The following PLD5 variants were observed in gnomAD, a reference collection of about 807,000 sequenced individuals.
PLD5 encodes the protein phospholipase D family member 5.
In PLD5, 36 loss-of-function variants were observed where a neutral mutation model predicts 61.1. That is an observed-to-expected ratio of 0.59 (90% confidence interval 0.45 to 0.78). PLD5 has a LOEUF of 0.78. Among genes scored for constraint, PLD5 ranks in the 30% least tolerant of loss-of-function variants. PLD5 has a pLI of 0.00. For missense variants in PLD5, 515 were observed against 644.4 expected (o/e 0.80, Z 2.17); for synonymous variants, 243 against 242.8 (o/e 1.00, Z -0.01).
intron 5 of PLD5, among the ~76,000 whole-genome samples, chr1:242,197,633 CTTTTT>C (rs111450387): frequency 9.5e-6 from 1 of 105,430 alleles, no homozygotes; most frequent in African/African-American, 3.5e-5. Flanking sequence ...TAATTGCACA[CTTTTT>C]TTTTTTTTTT....
At chr1:242,245,976 C>G (rs1286381092) in intron 4 of PLD5, among the ~76,000 whole-genome samples, 1 of 152,130 alleles carries the variant, frequency 6.6e-6, no homozygotes, top group African/African-American at 2.4e-5. Context: ...GTACCTATCA[C>G]GTGCCAGGTA....
chr1:242,504,357 C>A (rs1053297366), intron 1 of PLD5, among the ~76,000 whole-genome samples: 1 of 152,156 alleles, frequency 6.6e-6, no homozygotes, highest in Admixed American at 6.5e-5. Context: ...CTAATATGAG[C>A]ATCAACTACT....
intron 5 of PLD5, among the ~76,000 whole-genome samples, chr1:242,127,237 C>T (rs1011287437): frequency 4.6e-5 from 7 of 152,300 alleles, no homozygotes; most frequent in Admixed American, 3.9e-4. Flanking sequence ...CTATGGAAAA[C>T]AGTGTGGAGA....
intron 2 of PLD5, among the ~76,000 whole-genome samples, chr1:242,289,738 T>G (rs1395115485): frequency 2.6e-5 from 4 of 152,208 alleles, no homozygotes; most frequent in Non-Finnish European, 5.9e-5. Context: ...CATTGCTGTA[T>G]GCACAGAGCC....
At chr1:242,452,888 C>T (rs1022675808) in intron 1 of PLD5, among the ~76,000 whole-genome samples, 13 of 152,016 alleles carry the variant, frequency 8.6e-5, no homozygotes, top group African/African-American at 2.9e-4. Flanking sequence ...TCCCACACAC[C>T]CCTAACAACT....
At chr1:242,334,565 C>T (rs1659391803) in intron 2 of PLD5, among the ~76,000 whole-genome samples, 1 of 152,102 alleles carries the variant, frequency 6.6e-6, no homozygotes, top group Admixed American at 6.5e-5. Flanking sequence ...GGTAGGCAGC[C>T]CTCATCGCAG....
At chr1:242,173,420 A>G (rs536567715) in intron 5 of PLD5, among the ~76,000 whole-genome samples, 52 of 152,352 alleles carry the variant, frequency 3.4e-4, no homozygotes, top group Non-Finnish European at 6.9e-4. Flanking sequence ...CAAATGGAAG[A>G]ACATTCCATG....
At chr1:242,154,575 G>A (rs1232354649) in intron 5 of PLD5, among the ~76,000 whole-genome samples, 1 of 152,092 alleles carries the variant, frequency 6.6e-6, no homozygotes, top group African/African-American at 2.4e-5. Context: ...TTTTGTCAAA[G>A]GCTTTTTCTG....
intron 7 of PLD5, among the ~76,000 whole-genome samples, chr1:242,111,279 A>G (rs1033725955): frequency 6.6e-6 from 1 of 151,590 alleles, no homozygotes; most frequent in African/African-American, 2.4e-5. Context: ...CTGGTGTTGA[A>G]CTCCTGACCT....
intron 1 of PLD5, among the ~76,000 whole-genome samples, chr1:242,370,551 A>G (rs1661578499): frequency 6.6e-6 from 1 of 152,188 alleles, no homozygotes; most frequent in African/African-American, 2.4e-5. Flanking sequence ...ATTTCACAGA[A>G]GAGTTCCACT....
At chr1:242,258,217 T>A (rs569983441) in intron 4 of PLD5, among the ~76,000 whole-genome samples, 3 of 152,196 alleles carry the variant, frequency 2.0e-5, no homozygotes, top group Non-Finnish European at 4.4e-5. Flanking sequence ...TATCACTGAA[T>A]GCTCTAGCCA....
At chr1:242,278,409 T>A (rs1253040081) in intron 3 of PLD5, among the ~76,000 whole-genome samples, 2 of 152,230 alleles carry the variant, frequency 1.3e-5, no homozygotes, top group East Asian at 1.9e-4. Context: ...AAACTCTTAC[T>A]AATGATAATG....
intron 1 of PLD5, among the ~76,000 whole-genome samples, chr1:242,451,250 T>C (rs946871289): frequency 6.6e-6 from 1 of 152,204 alleles, no homozygotes; most frequent in Admixed American, 6.5e-5. Context: ...AGCGTTATTC[T>C]TTCCTCCTTC....
At chr1:242,209,024 A>C (rs1189418942) in intron 5 of PLD5, 1 of 152,190 alleles carries the variant, frequency 6.6e-6, no homozygotes, top group East Asian at 1.9e-4. Flanking sequence ...TTCGTTTGAA[A>C]AGTATAAATG....
At chr1:242,207,138 G>A (rs1224503197) in intron 5 of PLD5, among the ~76,000 whole-genome samples, 1 of 152,132 alleles carries the variant, frequency 6.6e-6, no homozygotes, top group Admixed American at 6.5e-5. Context: ...ATGTCAATGT[G>A]AATCACATCT....
At chr1:242,321,278 A>G (rs1312220547) in intron 2 of PLD5, among the ~76,000 whole-genome samples, 1 of 149,982 alleles carries the variant, frequency 6.7e-6, no homozygotes, top group African/African-American at 2.4e-5. Flanking sequence ...AGCATTTACC[A>G]TCTATTCTTT....
In PLD5 at chr1:242,145,437, T is replaced by A. The variant is rs1664480658; in HGVS notation, c.736-20772A>T. 3.9e-5 allele frequency among the ~76,000 whole-genome samples: 6 copies of A among 152,184 alleles called. No homozygotes were observed. The South Asian group carries it at 1.2e-3, about 32-fold the overall frequency. ...TCCAGTACCTAGTATGTCGTGGATGTTTGATAAATATATGTTGAATAAGGG... is the reference window on the plus strand; with the variant it reads ...TCCAGTACCTAGTATGTCGTGGATGATTGATAAATATATGTTGAATAAGGG... On this transcript the variant is annotated intron_variant, in intron 5 of 9. Transcript: ENST00000536534.
chr1:242,440,226 C>A (rs1428404192), intron 1 of PLD5, among the ~76,000 whole-genome samples: 2 of 152,090 alleles, frequency 1.3e-5, no homozygotes, highest in African/African-American at 4.8e-5. Flanking sequence ...TCTATTCATC[C>A]ATTTTTAGGC....
chr1:242,294,643 C>T (rs1675548297), intron 2 of PLD5, among the ~76,000 whole-genome samples: 1 of 152,150 alleles, frequency 6.6e-6, no homozygotes, highest in Non-Finnish European at 1.5e-5. Context: ...CAACAAATTA[C>T]TAACCTCTTT....
Sources: allele counts gnomAD v4.1 joint callset (sites outside exome capture counted in the v4.1 genomes callset), GRCh38; gene constraint gnomAD v4.1.1; transcripts MANE v1.5; gene names NCBI Gene and HGNC (gene_info 2026-07-23, HGNC 2026-07-21).